The following POU6F2 variants were observed in gnomAD, a reference collection of about 807,000 sequenced individuals.
The protein encoded by POU6F2 is POU domain, class 6, transcription factor 2.
Under a neutral mutation model 71.3 loss-of-function variants are expected in POU6F2, and 31 were observed. The ratio of observed to expected loss-of-function variants is 0.43; its 90% CI spans 0.33 to 0.59. The LOEUF is 0.59. POU6F2 is among the 20% of genes least tolerant of loss of function. The pLI, the probability that POU6F2 is intolerant of heterozygous loss-of-function variation, is 0.04. For synonymous variants in POU6F2, 347 were observed against 355.7 expected (o/e 0.98, Z 0.27); for missense variants, 783 against 856.8 (o/e 0.91, Z 1.07).
chr7:39,282,301 C>G (rs1029930731), intron 4 of POU6F2, among the ~76,000 whole-genome samples: 1 of 151,970 alleles, frequency 6.6e-6, no homozygotes, highest in Non-Finnish European at 1.5e-5. Context: ...TGGTATAGTC[C>G]TATCTGTCTA....
intron 2 of POU6F2, among the ~76,000 whole-genome samples, chr7:39,198,021 T>C (rs907594338): frequency 1.3e-5 from 2 of 152,250 alleles, no homozygotes; most frequent in African/African-American, 4.8e-5. Flanking sequence ...GCCTAAAGTA[T>C]GTCATGGAAT....
At chr7:39,173,868 T>C (rs1312964071) in intron 2 of POU6F2, among the ~76,000 whole-genome samples, 1 of 152,248 alleles carries the variant, frequency 6.6e-6, no homozygotes, top group Non-Finnish European at 1.5e-5. Flanking sequence ...CATGGCTACA[T>C]ACTCTGTGGC....
intron 5 of POU6F2, among the ~76,000 whole-genome samples, chr7:39,397,251 G>A (rs1364367430): frequency 6.6e-6 from 1 of 151,698 alleles, no homozygotes; most frequent in South Asian, 2.1e-4. Flanking sequence ...GAGCTCTCAG[G>A]ACTGAGTCAC....
chr7:39,150,373 A>G (rs1326852589), intron 2 of POU6F2, among the ~76,000 whole-genome samples: 1 of 152,048 alleles, frequency 6.6e-6, no homozygotes. Context: ...AAACACCCAG[A>G]AGAAGGATTG....
chr7:39,002,507 C>T (rs780419821), intron 1 of POU6F2, among the ~76,000 whole-genome samples: 3 of 152,220 alleles, frequency 2.0e-5, no homozygotes, highest in Admixed American at 1.3e-4. Flanking sequence ...GCCGCTATGC[C>T]TGGCTAATTT....
At chr7:39,017,287 C>T (rs953701775) in intron 1 of POU6F2, among the ~76,000 whole-genome samples, 8 of 152,138 alleles carry the variant, frequency 5.3e-5, no homozygotes, top group Non-Finnish European at 1.0e-4. Context: ...AAAATATGTG[C>T]ACTGGGCTGC....
intron 4 of POU6F2, among the ~76,000 whole-genome samples, chr7:39,311,914 C>T (rs1583515983): frequency 6.6e-6 from 1 of 151,978 alleles, no homozygotes; most frequent in African/African-American, 2.4e-5. Flanking sequence ...AATGAAACTT[C>T]TAAAGAAAGA....
intron 4 of POU6F2, among the ~76,000 whole-genome samples, chr7:39,253,292 T>C (rs979014459): frequency 2.0e-5 from 3 of 152,142 alleles, no homozygotes; most frequent in Non-Finnish European, 4.4e-5. Context: ...CATGCTAGAA[T>C]CTGGAATAGA....
chr7:39,450,401 T>C (rs1583614269), intron 7 of POU6F2, among the ~76,000 whole-genome samples: 1 of 152,204 alleles, frequency 6.6e-6, no homozygotes, highest in Admixed American at 6.5e-5. Context: ...CAAAGATGGC[T>C]AATGCTGAGG....
chr7:39,274,127 A>G (rs1784390538), intron 4 of POU6F2, among the ~76,000 whole-genome samples: 1 of 152,176 alleles, frequency 6.6e-6, no homozygotes, highest in South Asian at 2.1e-4. Context: ...CCAGTCGTAT[A>G]AAAAATTCTC....
chr7:39,423,754 A>G (rs1027867176), intron 6 of POU6F2, among the ~76,000 whole-genome samples: 1 of 152,210 alleles, frequency 6.6e-6, no homozygotes, highest in African/African-American at 2.4e-5. Flanking sequence ...TTCTCTGTCC[A>G]TTTCCAAAAA....
intron 4 of POU6F2, among the ~76,000 whole-genome samples, chr7:39,295,930 G>C (rs1382565075): frequency 6.6e-6 from 1 of 152,180 alleles, no homozygotes. Context: ...GCATTTCCCT[G>C]TTATCAGCCC....
rs557403549 is a variant in POU6F2, at chr7:39,302,789, T to C, written c.599-36853T>C. The stretch of plus-strand genomic sequence containing the variant: ...ACCAGTTCCATTAGAGTACAGTAAG[T>C]GTTTGTAGAACTGAGCACACAGTAG... On this transcript the variant is annotated intron_variant, in intron 4 of 9. Transcript: ENST00000518318. Among the ~76,000 whole-genome samples the C allele has an allele frequency of 3.9e-5, 6 of 152,324 alleles. No individual in the cohort carries two copies. In the South Asian group the frequency reaches 1.2e-3, roughly 32 times the overall value.
chr7:39,366,997 T>C (rs1420129790), intron 5 of POU6F2, among the ~76,000 whole-genome samples: 1 of 151,914 alleles, frequency 6.6e-6, no homozygotes, highest in Non-Finnish European at 1.5e-5. Context: ...TTTTCAGGAA[T>C]ACAAAAAGTT....
chr7:39,282,892 AT>A (rs1784584946), intron 4 of POU6F2, among the ~76,000 whole-genome samples: 1 of 152,120 alleles, frequency 6.6e-6, no homozygotes, highest in African/African-American at 2.4e-5. Context: ...TTTAATAATA[AT>A]AATTCTTTCA....
At chr7:39,183,884 T>C (rs1039657013) in intron 2 of POU6F2, among the ~76,000 whole-genome samples, 3 of 152,140 alleles carry the variant, frequency 2.0e-5, no homozygotes, top group Admixed American at 6.5e-5. Flanking sequence ...CAAAACACAC[T>C]ATGCAAATCT....
At chr7:38,992,405 C>T (rs1301479521) in intron 1 of POU6F2, among the ~76,000 whole-genome samples, 1 of 152,196 alleles carries the variant, frequency 6.6e-6, no homozygotes, top group Non-Finnish European at 1.5e-5. Context: ...TACTGCATAA[C>T]ACGTTTAATT....
chr7:39,139,610 G>A (rs62442227), intron 2 of POU6F2, among the ~76,000 whole-genome samples: 17,000 of 152,158 alleles, frequency 0.11, 1,036 homozygotes, highest in Middle Eastern at 0.15. Context: ...GCCACGATTT[G>A]TGCTAGATTC....
intron 2 of POU6F2, among the ~76,000 whole-genome samples, chr7:39,090,917 A>G (rs960800990): frequency 1.3e-5 from 2 of 151,966 alleles, no homozygotes; most frequent in East Asian, 1.9e-4. Context: ...TTAATAGTCA[A>G]ACAAACCCTT....
Sources: gnomAD v4.1 joint callset for allele counts (sites outside exome capture counted in the v4.1 genomes callset) on GRCh38, gnomAD v4.1.1 for gene constraint, MANE v1.5 for transcripts, NCBI Gene and HGNC (gene_info 2026-07-23, HGNC 2026-07-21) for gene names.